SLC12A1: variants seen among roughly 807,000 people sequenced by gnomAD.
The protein encoded by SLC12A1 is solute carrier family 12 member 1, also known as Na-K-2Cl cotransporter.
In SLC12A1, 89 loss-of-function variants were observed where a neutral mutation model predicts 130.4. The observed-to-expected ratio is 0.68, with a 90% confidence interval of 0.58 to 0.81. The LOEUF (loss-of-function observed/expected upper bound fraction) is 0.81. Ranked by LOEUF, SLC12A1 falls within the 40% of genes least tolerant of loss-of-function variation. SLC12A1 has a pLI of 0.00. For missense variants in SLC12A1, 1,310 were observed against 1,336.4 expected (o/e 0.98, Z 0.31); for synonymous variants, 499 against 460.0 (o/e 1.08, Z -1.09).
chr15:48,270,431 T>C (rs1342045217), intron 19 of SLC12A1, among the ~76,000 whole-genome samples: 2 of 151,770 alleles, frequency 1.3e-5, no homozygotes, highest in Non-Finnish European at 2.9e-5. Context: ...TTTTTTCCCA[T>C]TCTACAAGTG....
At chr15:48,226,116 C>A in intron 4 of SLC12A1, 1 of 202,452 alleles carries the variant, frequency 4.9e-6, no homozygotes, top group Non-Finnish European at 9.6e-6. Flanking sequence ...TAACCTTTGT[C>A]AAACCCCCAA....
intron 16 of SLC12A1, among the ~76,000 whole-genome samples, chr15:48,258,685 C>T (rs2041736978): frequency 6.6e-6 from 1 of 152,124 alleles, no homozygotes; most frequent in South Asian, 2.1e-4. Context: ...ACAGCAGCAC[C>T]CCACTCTACC....
At position 48,207,386 on chromosome 15, in the gene SLC12A1, A is replaced by T. The variant is rs747868805; in HGVS notation, c.-186-148A>T. ...TTTATTATCAGATTTAATTACTCACATGACTAAGGTTCCTGGACAGATAAA... is the reference window on the plus strand; with the variant it reads ...TTTATTATCAGATTTAATTACTCACTTGACTAAGGTTCCTGGACAGATAAA... On this transcript the variant is annotated intron_variant, in intron 1 of 26. Coordinates refer to ENST00000380993, the MANE Select transcript of SLC12A1 (RefSeq NM_000338.3). 8 of 165,250 alleles carry T rather than the reference A, an allele frequency of 4.8e-5. No individual in the cohort carries two copies. The East Asian group carries it at 1.4e-3, about 28-fold the overall frequency. The allele number at this position is 165,250 out of a possible 1,614,324, so 10.2% of individuals were successfully genotyped here. A position where few individuals can be genotyped will look rare whatever the true frequency, so the allele number is the denominator to read the frequency against.
chr15:48,227,393 TG>T (rs2141028667), intron 5 of SLC12A1: 1 of 574,496 alleles, frequency 1.7e-6, no homozygotes, highest in East Asian at 3.0e-5. Context: ...GTTTATAAAG[TG>T]GAGAGTGACT....
chr15:48,288,482 G>A lies in SLC12A1; in HGVS notation c.2839G>A (p.Gly947Arg). ...CTGTAAATTAAGAATCTATGTGGGA[G>A]GGAAGATCAACCGCATTGAAGAAGA... ...KDCKLRIYVG[G>R]KINRIEEEKI... is the part of the protein sequence containing the mutation. Residue 947 changes from glycine to arginine, a missense_variant, in exon 23 of 27, where the codon GGG (glycine) becomes AGG (arginine). By Grantham distance (125) the Gly-to-Arg change is moderately radical (BLOSUM62 -2). Coordinates refer to ENST00000380993, the MANE Select transcript of SLC12A1 (RefSeq NM_000338.3). 6.4e-7 allele frequency: 1 copy of A among 1,551,622 alleles called. No homozygotes were observed. The highest frequency in any genetic ancestry group is 8.7e-7 in the Non-Finnish European group (1 of 1,144,284).
intron 23 of SLC12A1, among the ~76,000 whole-genome samples, chr15:48,289,097 A>T (rs796981596): frequency 1.2e-5 from 1 of 82,222 alleles, no homozygotes; most frequent in Non-Finnish European, 2.3e-5. Context: ...ACTCTTAATT[A>T]AAAAAAAAAA....
chr15:48,224,013 G>T (rs2041250807), intron 4 of SLC12A1: 1 of 152,342 alleles, frequency 6.6e-6, no homozygotes, highest in African/African-American at 2.4e-5. Flanking sequence ...CATTCCCACT[G>T]CTGCCCTTAA....
chr15:48,299,054 C>A, intron 24 of SLC12A1, 86 bp from the exon 25 acceptor site: 2 of 1,153,314 alleles, frequency 1.7e-6, no homozygotes, highest in Non-Finnish European at 2.5e-6. Flanking sequence ...GATTCCACAG[C>A]CAGCAGAGCC....
intron 4 of SLC12A1, 76 bp from the exon 5 acceptor site, chr15:48,226,400 C>A: frequency 2.3e-6 from 2 of 866,824 alleles, no homozygotes; most frequent in Non-Finnish European, 3.7e-6. Context: ...AAGTTAAAGG[C>A]AGTGTAGTTT....
chr15:48,291,549 T>A (rs893330346), intron 23 of SLC12A1, among the ~76,000 whole-genome samples: 1 of 152,170 alleles, frequency 6.6e-6, no homozygotes. Flanking sequence ...GTTGCCAGTG[T>A]CTGCACCTAC....
At chr15:48,207,466 A>G (rs1361151297) in intron 1 of SLC12A1, 68 bp from the exon 2 acceptor site, 1 of 291,534 alleles carries the variant, frequency 3.4e-6, no homozygotes, top group Admixed American at 4.7e-5. Flanking sequence ...CTGTTCCCTT[A>G]TATCCCACCC....
At chr15:48,241,196 AT>A (rs2041511742) in intron 9 of SLC12A1, among the ~76,000 whole-genome samples, 1 of 152,224 alleles carries the variant, frequency 6.6e-6, no homozygotes, top group Non-Finnish European at 1.5e-5. Context: ...TCTAAATGAA[AT>A]TCATAGGAGA....
At chr15:48,272,734 G>T (rs2041910932) in intron 19 of SLC12A1, among the ~76,000 whole-genome samples, 2 of 152,136 alleles carry the variant, frequency 1.3e-5, no homozygotes, top group Admixed American at 6.5e-5. Flanking sequence ...GCCAAGTATG[G>T]TTTAATTTTA....
At chr15:48,264,392 G>T (rs1028319171) in intron 17 of SLC12A1, among the ~76,000 whole-genome samples, 14 of 152,002 alleles carry the variant, frequency 9.2e-5, no homozygotes, top group African/African-American at 3.4e-4. Flanking sequence ...CTCTTGAACT[G>T]CATAAGGAAG....
chr15:48,244,659 C>T (rs2041556890), intron 10 of SLC12A1, 94 bp from the exon 11 acceptor site: 4 of 1,246,204 alleles, frequency 3.2e-6, no homozygotes, highest in South Asian at 1.4e-5. Flanking sequence ...AAGAAATGGA[C>T]CTTTTCAGTC....
At chr15:48,220,880 T>C in intron 3 of SLC12A1, 41 bp from the exon 4 acceptor site, 1 of 1,612,386 alleles carries the variant, frequency 6.2e-7, no homozygotes, top group Non-Finnish European at 8.5e-7. Context: ...TGTCCCACTA[T>C]CGTTTGTCCT....
intron 16 of SLC12A1, among the ~76,000 whole-genome samples, chr15:48,256,279 G>T (rs2041706062): frequency 6.6e-6 from 1 of 152,226 alleles, no homozygotes; most frequent in African/African-American, 2.4e-5. Flanking sequence ...TCTCTTAAAA[G>T]TAATCCTTTT....
rs1597427203 is a variant in SLC12A1 at position 48,249,476 on chromosome 15, T to G, written c.1685-99T>G. On this transcript the variant is annotated intron_variant, in intron 13 of 26. Transcript: ENST00000380993. ...AACTTTGACAGATGCTCGCTATGTTTTCAATTTCCAAATAAATTCAAGCTT... is the reference window on the plus strand; with the variant it reads ...AACTTTGACAGATGCTCGCTATGTTGTCAATTTCCAAATAAATTCAAGCTT... 5.4e-6 allele frequency: 5 copies of G among 933,740 alleles called. No individual in the cohort carries two copies. The East Asian group carries it at 1.2e-4, about 23-fold the overall frequency. 57.8% of individuals were successfully genotyped at this position (933,740 alleles called of 1,614,324 possible).
At chr15:48,254,748 C>T (rs1046286298) in intron 15 of SLC12A1, among the ~76,000 whole-genome samples, 19 of 151,614 alleles carry the variant, frequency 1.3e-4, no homozygotes, top group African/African-American at 4.6e-4. Context: ...GGTGAAACTC[C>T]GTCTCTACTT....
Sources: gnomAD v4.1 joint callset for allele counts (sites outside exome capture counted in the v4.1 genomes callset) on GRCh38, gnomAD v4.1.1 for gene constraint, MANE v1.5 for transcripts, NCBI Gene and HGNC (gene_info 2026-07-23, HGNC 2026-07-21) for gene names.